GRIA2: variants seen among roughly 807,000 people sequenced by gnomAD.
The protein encoded by GRIA2 is glutamate ionotropic receptor AMPA type subunit 2.
Under a neutral mutation model 97.3 loss-of-function variants are expected in GRIA2, and 14 were observed. The observed-to-expected ratio is 0.14, with a 90% CI of 0.10 to 0.23. The LOEUF is 0.23. Among genes scored for constraint, GRIA2 ranks in the 10% least tolerant of loss-of-function variants. The pLI, the probability that GRIA2 is intolerant of heterozygous loss-of-function variation, is 1.00. For synonymous variants in GRIA2, 412 were observed against 387.8 expected (o/e 1.06, Z -0.73); for missense variants, 558 against 1,069.8 (o/e 0.52, Z 6.67).
rs1736734353 is a variant in GRIA2, at chr4:157,363,528, A to G, written c.*97A>G. On this transcript the variant is annotated 3_prime_UTR_variant, in exon 16 of 16. Transcript: ENST00000264426. Reference sequence around the variant, plus strand: ...ACGTGTTATGACTCCAGAATTTCCCAAAGCAGTGCATGCTGTCCCTTACGT... The same window carrying G: ...ACGTGTTATGACTCCAGAATTTCCCGAAGCAGTGCATGCTGTCCCTTACGT... 8.1e-7 allele frequency: 1 copy of G among 1,238,502 alleles called. No individual in the cohort carries two copies. Among genetic ancestry groups the G allele is most frequent in the Non-Finnish European group, 1.0e-6 (1 of 990,214 alleles). 76.7% of individuals were successfully genotyped at this position (1,238,502 alleles called of 1,614,324 possible).
At chr4:157,231,319 G>C (rs1203554136) in intron 2 of GRIA2, among the ~76,000 whole-genome samples, 3 of 152,082 alleles carry the variant, frequency 2.0e-5, no homozygotes, top group Non-Finnish European at 4.4e-5. Context: ...GATTACAGAC[G>C]TGAGCCACCA....
intron 12 of GRIA2, among the ~76,000 whole-genome samples, chr4:157,346,509 T>C (rs1735771690): frequency 6.6e-6 from 1 of 152,130 alleles, no homozygotes; most frequent in Non-Finnish European, 1.5e-5. Flanking sequence ...TTTATCAATA[T>C]ATAATTATCT....
At chr4:157,333,978 T>A (rs1362753595) in intron 8 of GRIA2, 32 bp from the exon 9 acceptor site, 1 of 974,456 alleles carries the variant, frequency 1.0e-6, no homozygotes, top group Non-Finnish European at 1.7e-6. Context: ...AAGTCATTTA[T>A]CCATACACCT....
At chr4:157,256,760 G>T (rs1480434061) in intron 2 of GRIA2, among the ~76,000 whole-genome samples, 1 of 151,752 alleles carries the variant, frequency 6.6e-6, no homozygotes, top group Non-Finnish European at 1.5e-5. Context: ...CTTTTTTTCT[G>T]CCATCCTGAC....
rs1729562643 is a variant in GRIA2, at chr4:157,222,765, C to G, written c.229+958C>G. On this transcript the variant is annotated intron_variant, in intron 2 of 15. Transcript: ENST00000264426. ...TCACTCCGCGCAGTGCTCCGGGACT[C>G]GCTGGGAAGCTCTGTGATGGGTTCA... Among the ~76,000 whole-genome samples the G allele has an allele frequency of 2.6e-5, 4 of 152,174 alleles. No homozygotes were observed. The South Asian group carries it at 8.3e-4, about 31-fold the overall frequency.
intron 2 of GRIA2, among the ~76,000 whole-genome samples, chr4:157,263,175 G>T (rs1731622964): frequency 6.6e-6 from 1 of 151,944 alleles, no homozygotes; most frequent in South Asian, 2.1e-4. Flanking sequence ...ATTTAAAGTG[G>T]TTGATATTAT....
chr4:157,274,977 C>A (rs1319384237), intron 2 of GRIA2, among the ~76,000 whole-genome samples: 21 of 150,804 alleles, frequency 1.4e-4, no homozygotes, highest in African/African-American at 3.9e-4. Context: ...AGTTTACAGT[C>A]CCACCAACAG....
Position 157,282,432 on chromosome 4 carries a change from T to C in GRIA2, c.230-21120T>C, listed in dbSNP as rs184490244. Among the ~76,000 whole-genome samples the C allele has an allele frequency of 6.0e-4, 91 of 152,196 alleles. No individual in the cohort carries two copies. In the East Asian group the frequency reaches 0.011, roughly 18 times the overall value. ...GAGAGTCTTTAGAAGGAAGACAGTT[T>C]TGAGGAATTATAAAGATTGGGCAAT... On this transcript the variant is annotated intron_variant, in intron 2 of 15. Coordinates refer to ENST00000264426, the MANE Select transcript of GRIA2 (RefSeq NM_001083619.3).
chr4:157,250,807 C>A (rs1442256118), intron 2 of GRIA2, among the ~76,000 whole-genome samples: 1 of 152,080 alleles, frequency 6.6e-6, no homozygotes, highest in East Asian at 1.9e-4. Flanking sequence ...ATCTTCTCAA[C>A]TTATTCCCAA....
At chr4:157,309,491 A>G (rs1733983423) in intron 3 of GRIA2, among the ~76,000 whole-genome samples, 1 of 151,578 alleles carries the variant, frequency 6.6e-6, no homozygotes, top group Non-Finnish European at 1.5e-5. Context: ...AGCTGGGATT[A>G]CAGGCGCCTG....
intron 4 of GRIA2, among the ~76,000 whole-genome samples, chr4:157,313,899 C>T (rs968225907): frequency 6.6e-6 from 1 of 151,832 alleles, no homozygotes; most frequent in Non-Finnish European, 1.5e-5. Flanking sequence ...GTATTATATA[C>T]CATATTGTTA....
intron 2 of GRIA2, among the ~76,000 whole-genome samples, chr4:157,265,956 A>C (rs1293534681): frequency 6.6e-6 from 1 of 152,124 alleles, no homozygotes; most frequent in Non-Finnish European, 1.5e-5. Flanking sequence ...GTAGGGATGA[A>C]GGGAAGTCAT....
chr4:157,310,340 C>T (rs1385371276), intron 3 of GRIA2, among the ~76,000 whole-genome samples: 3 of 151,956 alleles, frequency 2.0e-5, no homozygotes, highest in Admixed American at 6.6e-5. Flanking sequence ...TTTCATTTTG[C>T]CAGAAAAAAA....
At chr4:157,337,877 T>A (rs1048131481) in intron 11 of GRIA2, among the ~76,000 whole-genome samples, 1 of 150,982 alleles carries the variant, frequency 6.6e-6, no homozygotes, top group African/African-American at 2.4e-5. Flanking sequence ...AAAATTACAT[T>A]TTTATGAATT....
chr4:157,359,929 A>T lies in GRIA2; in HGVS notation c.2077A>T (p.Thr693Ser), dbSNP rs1736561785. ...AATTGCAGTGTTTGATAAAATGTGG[A>T]CCTACATGCGGAGTGCGGAGCCCTC... is the stretch of plus-strand genomic sequence containing the variant. ...SKIAVFDKMW[T>S]YMRSAEPSVF... Residue 693 changes from threonine to serine, a missense_variant, in exon 13 of 16, where the codon ACC (threonine) becomes TCC (serine). Physicochemically the swap from Thr to Ser is moderately conservative, Grantham distance 58. This residue lies in a region of GRIA2 where 125 missense variants were observed against 310.2 expected (regional missense o/e 0.40). Transcript: ENST00000264426. 2 of 1,613,654 alleles carry T rather than the reference A, an allele frequency of 1.2e-6. No homozygotes were observed. The highest frequency in any genetic ancestry group is 4.5e-5 in the East Asian group (2 of 44,870).
intron 4 of GRIA2, among the ~76,000 whole-genome samples, chr4:157,316,276 A>G (rs1271595555): frequency 6.6e-6 from 1 of 152,144 alleles, no homozygotes. Flanking sequence ...TTCTCCCCTT[A>G]ACACGGAGGG....
At chr4:157,293,955 A>G (rs779015314) in intron 2 of GRIA2, among the ~76,000 whole-genome samples, 3 of 152,126 alleles carry the variant, frequency 2.0e-5, no homozygotes, top group Non-Finnish European at 4.4e-5. Context: ...AGCATTTAGC[A>G]TATTTATATG....
intron 12 of GRIA2, among the ~76,000 whole-genome samples, chr4:157,355,933 T>TTATATATTTATATA (rs1736298513): frequency 1.3e-4 from 3 of 23,470 alleles, no homozygotes; most frequent in South Asian, 4.2e-3. Flanking sequence ...TTATATATAT[T>TTATATATTTATATA]TATATATTAA....
chr4:157,231,657 T>C (rs907890444), intron 2 of GRIA2, among the ~76,000 whole-genome samples: 1 of 152,154 alleles, frequency 6.6e-6, no homozygotes, highest in South Asian at 2.1e-4. Context: ...ATAGGGAGCA[T>C]GGAATGTGTC....
Sources: allele counts gnomAD v4.1 joint callset (sites outside exome capture counted in the v4.1 genomes callset), GRCh38; gene constraint gnomAD v4.1.1; regional missense constraint gnomAD v4.1.1; transcripts MANE v1.5; gene names NCBI Gene and HGNC (gene_info 2026-07-23, HGNC 2026-07-21).